OR9Q1: variants seen among roughly 807,000 people sequenced by gnomAD.
The protein encoded by OR9Q1 is olfactory receptor 9Q1.
For missense variants in OR9Q1, 374 were observed against 378.8 expected (o/e 0.99, Z 0.11); for synonymous variants, 153 against 148.6 (o/e 1.03, Z -0.22).
At chr11:58,058,154 A>G (rs1853345155) in intron 2 of OR9Q1, among the ~76,000 whole-genome samples, 1 of 152,210 alleles carries the variant, frequency 6.6e-6, no homozygotes, top group Non-Finnish European at 1.5e-5. Flanking sequence ...CTTCCCATGC[A>G]TTGGCATACG....
intron 2 of OR9Q1, chr11:58,059,871 A>G (rs1853363496): frequency 6.6e-6 from 1 of 152,142 alleles, no homozygotes; most frequent in South Asian, 2.1e-4. Context: ...CAGTCAGCTT[A>G]AATGATAGGT....
intron 2 of OR9Q1, among the ~76,000 whole-genome samples, chr11:58,179,012 A>AAGAGAGAGAGAGAGAGAGAGAGAG (rs71061582): frequency 8.8e-4 from 116 of 132,456 alleles, no homozygotes; most frequent in South Asian, 1.5e-3. Flanking sequence ...GAAAGAAAGA[A>AAGAGAGAGAGAGAGAGAGAGAGAG]AGAGAGAGAG....
At chr11:58,152,901 T>C (rs1286041009) in intron 2 of OR9Q1, among the ~76,000 whole-genome samples, 1 of 152,228 alleles carries the variant, frequency 6.6e-6, no homozygotes, top group Non-Finnish European at 1.5e-5. Context: ...TTTCCATCTC[T>C]CTGAGAGATT....
chr11:58,060,889 C>G (rs941586310), intron 2 of OR9Q1, among the ~76,000 whole-genome samples: 5 of 152,074 alleles, frequency 3.3e-5, no homozygotes, highest in African/African-American at 1.2e-4. Flanking sequence ...TCCCTGATCC[C>G]TGCTCCTCAA....
chr11:58,063,453 A>G (rs1443412063), intron 2 of OR9Q1, among the ~76,000 whole-genome samples: 3 of 152,242 alleles, frequency 2.0e-5, no homozygotes, highest in Admixed American at 2.0e-4. Context: ...GAACACATGC[A>G]AAGGATCTAA....
chr11:58,169,297 T>A (rs1407485022), intron 2 of OR9Q1, among the ~76,000 whole-genome samples: 1 of 152,196 alleles, frequency 6.6e-6, no homozygotes, highest in African/African-American at 2.4e-5. Context: ...TATTAGAATC[T>A]TGGTGAGCTC....
chr11:58,100,095 A>G (rs557561295), intron 2 of OR9Q1, among the ~76,000 whole-genome samples: 166 of 152,308 alleles, frequency 1.1e-3, no homozygotes, highest in Non-Finnish European at 7.4e-4. Context: ...CACGCCAGGT[A>G]GTCTCTCATC....
chr11:58,102,721 C>G (rs1198281945), intron 2 of OR9Q1, among the ~76,000 whole-genome samples: 1 of 152,046 alleles, frequency 6.6e-6, no homozygotes, highest in Non-Finnish European at 1.5e-5. Flanking sequence ...TTTAAAGTTT[C>G]ACTAAAATGT....
intron 2 of OR9Q1, among the ~76,000 whole-genome samples, chr11:58,058,919 T>C (rs531131387): frequency 2.6e-5 from 4 of 152,222 alleles, no homozygotes; most frequent in East Asian, 3.9e-4. Flanking sequence ...CTGGAAACAG[T>C]TGGAAAACTG....
chr11:58,062,588 TTC>T (rs1853390794), intron 2 of OR9Q1, among the ~76,000 whole-genome samples: 1 of 152,170 alleles, frequency 6.6e-6, no homozygotes, highest in African/African-American at 2.4e-5. Context: ...TGTAGGCATC[TTC>T]TCTCTAGCAC....
chr11:58,179,554 T>A lies in OR9Q1; in HGVS notation c.110T>A (p.Ile37Asn). ...LFLLFLFMYL[I>N]TVLGNLEMII... is the part of the protein sequence containing the mutation. ...CTCTTGTTTTTATTTATGTATCTCA[T>A]CACCGTATTGGGGAACTTAGAGATG... Residue 37 changes from isoleucine to asparagine, a missense_variant, in exon 3 of 3, where the codon ATC becomes AAC. Physicochemically the swap from Ile to Asn is moderately radical, Grantham distance 149. Transcript: ENST00000335397. The A allele has an allele frequency of 6.2e-7, 1 of 1,613,524 alleles. No homozygotes were observed. The highest frequency in any genetic ancestry group is 8.5e-7 in the Non-Finnish European group (1 of 1,179,644).
intron 2 of OR9Q1, among the ~76,000 whole-genome samples, chr11:58,161,733 T>G (rs1233372473): frequency 1.3e-5 from 2 of 152,166 alleles, no homozygotes; most frequent in Non-Finnish European, 1.5e-5. Context: ...GGTTTCGCTC[T>G]GTTAGCCAGG....
Position 58,038,125 on chromosome 11 carries a change from G to A in OR9Q1, c.-93+14021G>A, listed in dbSNP as rs369170688. Among the ~76,000 whole-genome samples the A allele has an allele frequency of 4.7e-4, 72 of 151,952 alleles. 1 individual carries two copies. The South Asian group carries it at 0.013, about 27-fold the overall frequency. ...TCCTAAACATATTAACGTGAATATT[G>A]CTTTAATAAAACTTGATACAAGTAA... On this transcript the variant is annotated intron_variant, in intron 1 of 2. Transcript: ENST00000335397.
intron 2 of OR9Q1, among the ~76,000 whole-genome samples, chr11:58,082,016 C>T (rs1355626492): frequency 2.0e-5 from 3 of 152,000 alleles, no homozygotes; most frequent in Non-Finnish European, 2.9e-5. Context: ...AAAAAATGCT[C>T]ATCATCACTG....
intron 1 of OR9Q1, among the ~76,000 whole-genome samples, chr11:58,025,390 C>T (rs1852963160): frequency 6.6e-6 from 1 of 152,162 alleles, no homozygotes; most frequent in African/African-American, 2.4e-5. Flanking sequence ...TTGGTAGAGA[C>T]GGGGTTTCAC....
intron 2 of OR9Q1, among the ~76,000 whole-genome samples, chr11:58,087,132 G>T (rs1761453559): frequency 1.3e-5 from 2 of 151,492 alleles, no homozygotes; most frequent in South Asian, 2.1e-4. Context: ...ATAAATTATT[G>T]TTAATCAATT....
chr11:58,167,604 T>A (rs1447071396), intron 2 of OR9Q1, among the ~76,000 whole-genome samples: 1 of 152,208 alleles, frequency 6.6e-6, no homozygotes, highest in East Asian at 1.9e-4. Flanking sequence ...AAGTGACTAG[T>A]GCTTCTGGTT....
At chr11:58,174,188 C>A (rs564343761) in intron 2 of OR9Q1, among the ~76,000 whole-genome samples, 27 of 152,190 alleles carry the variant, frequency 1.8e-4, no homozygotes, top group Admixed American at 1.8e-3. Context: ...CATGAGTAGA[C>A]CCGATGCAAG....
Position 58,179,682 on chromosome 11 carries a change from C to T in OR9Q1, c.238C>T (p.Gln80Ter). 2 of 1,614,074 alleles carry T rather than the reference C, an allele frequency of 1.2e-6. No homozygotes were observed. Among genetic ancestry groups the T allele is most frequent in the Non-Finnish European group, 1.7e-6 (2 of 1,179,914 alleles). ...DVCYSSITVP[Q>*]MLAVLLEHGA... The stretch of plus-strand genomic sequence containing the variant: ...CTGCTACTCATCTATCACTGTCCCC[C>T]AGATGCTGGCAGTGCTGCTGGAGCA... Residue 80 changes from glutamine (Q) to a stop codon, truncating the protein, a stop_gained, in exon 3 of 3, where the codon CAG (glutamine) becomes TAG (stop). Transcript: ENST00000335397. LOFTEE classifies it low-confidence loss of function (END_TRUNC).
Sources: allele counts gnomAD v4.1 joint callset (sites outside exome capture counted in the v4.1 genomes callset), GRCh38; gene constraint gnomAD v4.1.1; transcripts MANE v1.5; gene names NCBI Gene and HGNC (gene_info 2026-07-23, HGNC 2026-07-21).